Variants in DDX4 observed in about 807,000 individuals in gnomAD.
DDX4 encodes DEAD-box helicase 4.
Under a neutral mutation model 100.0 loss-of-function variants are expected in DDX4, and 25 were observed. The observed-to-expected ratio is 0.25, with a 90% confidence interval of 0.18 to 0.35. The LOEUF is 0.35. Ranked by LOEUF, DDX4 falls within the 10% of genes least tolerant of loss-of-function variation. The probability of loss-of-function intolerance (pLI) is 1.00; values close to 1 mark genes in which losing one functional copy is unlikely to be tolerated. For synonymous variants in DDX4, 259 were observed against 275.7 expected (o/e 0.94, Z 0.60); for missense variants, 635 against 882.4 (o/e 0.72, Z 3.55).
In DDX4 at chr5:55,757,209, T is replaced by C. The variant is rs148485432; in HGVS notation, c.128-2991T>C. On this transcript the variant is annotated intron_variant, in intron 3 of 21. Transcript: ENST00000505374. ...AGATTCGTGAGATTTTGTGAACCCA[T>C]TACCTGAGCAGTATGCACTGTACCC... Among the ~76,000 whole-genome samples the C allele has an allele frequency of 2.2e-3, 330 of 152,318 alleles. 1 individual carries two copies. Among genetic ancestry groups the C allele is most frequent in the African/African-American group, 6.0e-3 (250 of 41,582 alleles).
intron 7 of DDX4, among the ~76,000 whole-genome samples, chr5:55,775,050 A>C (rs548920386): frequency 6.6e-6 from 1 of 152,248 alleles, no homozygotes; most frequent in South Asian, 2.1e-4. Flanking sequence ...GTCTTTGGTA[A>C]CCTCTATTCC....
intron 18 of DDX4, among the ~76,000 whole-genome samples, chr5:55,809,170 C>A (rs968881233): frequency 1.3e-5 from 2 of 152,162 alleles, no homozygotes; most frequent in African/African-American, 4.8e-5. Flanking sequence ...TGGAAAAGTG[C>A]AGTATTATGG....
At chr5:55,806,619 A>T (rs1173422628) in intron 18 of DDX4, among the ~76,000 whole-genome samples, 6 of 152,158 alleles carry the variant, frequency 3.9e-5, no homozygotes, top group Admixed American at 3.9e-4. Flanking sequence ...TTCAGGTTCC[A>T]TGTAGTTGAG....
At chr5:55,767,705 G>A (rs188941752) in intron 6 of DDX4, among the ~76,000 whole-genome samples, 176 bp from the exon 7 acceptor site, 7 of 152,164 alleles carry the variant, frequency 4.6e-5, no homozygotes, top group Admixed American at 3.9e-4. Flanking sequence ...ATAGGGAATC[G>A]ACTCTGAGTA....
intron 2 of DDX4, among the ~76,000 whole-genome samples, chr5:55,744,576 T>A (rs2111585310): frequency 6.6e-6 from 1 of 152,366 alleles, no homozygotes; most frequent in South Asian, 2.1e-4. Flanking sequence ...AGCTATTGAT[T>A]TTATAATAAG....
chr5:55,808,724 C>G (rs923033718), intron 18 of DDX4, among the ~76,000 whole-genome samples: 1 of 152,194 alleles, frequency 6.6e-6, no homozygotes, highest in South Asian at 2.1e-4. Flanking sequence ...TCAGTCTGCC[C>G]CTACTGGGGG....
intron 15 of DDX4, 98 bp from the exon 16 acceptor site, chr5:55,790,474 ATGTT>A (rs912870112): frequency 2.4e-5 from 19 of 803,550 alleles, no homozygotes; most frequent in African/African-American, 1.6e-4. Context: ...AGATAGTTGA[ATGTT>A]TGTTTTTTTC....
At chr5:55,809,583 C>A (rs1400304609) in intron 18 of DDX4, among the ~76,000 whole-genome samples, 1 of 152,170 alleles carries the variant, frequency 6.6e-6, no homozygotes, top group African/African-American at 2.4e-5. Context: ...ATTGTTTTTA[C>A]CTCTCAGACC....
chr5:55,790,392 C>T (rs531680896), intron 15 of DDX4, among the ~76,000 whole-genome samples, 184 bp from the exon 16 acceptor site: 16 of 152,200 alleles, frequency 1.1e-4, no homozygotes, highest in South Asian at 2.1e-4. Flanking sequence ...GTGATTTGCC[C>T]GCCCTGGCCT....
Position 55,751,927 on chromosome 5 carries a change from G to A in DDX4, c.127+5706G>A, listed in dbSNP as rs1050519649. 1.1e-4 allele frequency among the ~76,000 whole-genome samples: 17 copies of A among 151,998 alleles called. 1 individual carries two copies. Among genetic ancestry groups the A allele is most frequent in the South Asian group, 1.0e-3 (5 of 4,812 alleles). On this transcript the variant is annotated intron_variant, in intron 3 of 21. Transcript: ENST00000505374. ...TGCCTTTCACATTGAGCTTTTAATCGTCTGAACTCATCCTTTTTGAATCAT... is the reference window on the plus strand; with the variant it reads ...TGCCTTTCACATTGAGCTTTTAATCATCTGAACTCATCCTTTTTGAATCAT...
intron 17 of DDX4, among the ~76,000 whole-genome samples, chr5:55,794,317 A>G (rs1409317526): frequency 6.7e-6 from 1 of 149,252 alleles, no homozygotes; most frequent in Non-Finnish European, 1.5e-5. Flanking sequence ...CCTCCCAAGT[A>G]GCTGGGATTA....
chr5:55,793,065 T>TGTGTGTGTGTGTGTTTGTGTG (rs1160621818), intron 17 of DDX4, among the ~76,000 whole-genome samples: 2 of 149,082 alleles, frequency 1.3e-5, no homozygotes, highest in African/African-American at 4.9e-5. Context: ...TTTGTGTGTG[T>TGTGTGTGTGTGTGTTTGTGTG]TGTTGTTGTT....
At chr5:55,750,130 T>C (rs1314423778) in intron 3 of DDX4, 3 of 154,700 alleles carry the variant, frequency 1.9e-5, no homozygotes, top group Admixed American at 6.5e-5. Flanking sequence ...TTAATAATTA[T>C]AAACTCTAAA....
At position 55,785,358 on chromosome 5, in the gene DDX4, A is replaced by T; in HGVS notation, c.673+14A>T. The T allele has an allele frequency of 1.9e-6, 3 of 1,602,096 alleles. No individual in the cohort carries two copies. Among genetic ancestry groups the T allele is most frequent in the Non-Finnish European group, 2.6e-6 (3 of 1,170,402 alleles). ...GCTCTGGAAAGAGTAAGTTTTCCTT[A>T]AACAAGGTGTTTGATTTTTATAGTG... is the stretch of plus-strand genomic sequence containing the variant. On this transcript the variant is annotated intron_variant, in intron 11 of 21. Transcript: ENST00000505374.
At chr5:55,789,839 A>T (rs1384412617) in intron 15 of DDX4, among the ~76,000 whole-genome samples, 1 of 152,198 alleles carries the variant, frequency 6.6e-6, no homozygotes, top group Non-Finnish European at 1.5e-5. Context: ...CCATATTTGA[A>T]GGAAGGAATA....
chr5:55,749,586 G>C (rs563226179), intron 3 of DDX4, among the ~76,000 whole-genome samples: 18 of 152,280 alleles, frequency 1.2e-4, no homozygotes, highest in Admixed American at 1.1e-3. Flanking sequence ...GGGAGAGCAG[G>C]ATCCTCTAGT....
chr5:55,782,892 T>C (rs1244095307), intron 10 of DDX4, among the ~76,000 whole-genome samples: 1 of 147,232 alleles, frequency 6.8e-6, no homozygotes, highest in African/African-American at 2.5e-5. Context: ...GCCTCCAGAG[T>C]TCAAGCCATT....
intron 18 of DDX4, among the ~76,000 whole-genome samples, chr5:55,809,391 C>T (rs993053678): frequency 3.3e-5 from 5 of 152,146 alleles, no homozygotes; most frequent in Admixed American, 1.3e-4. Context: ...CAGAAATCAG[C>T]CGTCTTCTGC....
chr5:55,812,042 C>G (rs2112190421), intron 18 of DDX4, among the ~76,000 whole-genome samples: 1 of 152,192 alleles, frequency 6.6e-6, no homozygotes. Context: ...CCAAAGATTT[C>G]ACTTAATTAT....
Sources: allele counts gnomAD v4.1 joint callset (sites outside exome capture counted in the v4.1 genomes callset), GRCh38; gene constraint gnomAD v4.1.1; transcripts MANE v1.5; gene names NCBI Gene and HGNC (gene_info 2026-07-23, HGNC 2026-07-21).